Variants in RBMS3 observed in about 807,000 individuals in gnomAD.
RBMS3 encodes RNA-binding motif, single-stranded-interacting protein 3.
RBMS3 carries 27 observed loss-of-function variants against 66.8 expected under a neutral mutation model. The observed-to-expected ratio is 0.40, with a 90% CI of 0.30 to 0.56. RBMS3 has a LOEUF of 0.56. Ranked by LOEUF, RBMS3 falls within the 20% of genes least tolerant of loss-of-function variation. RBMS3 has a pLI of 0.40. For missense variants in RBMS3, 513 were observed against 549.5 expected, an observed-to-expected ratio of 0.93 and a Z score of 0.66; for synonymous variants, 188 against 183.0, an observed-to-expected ratio of 1.03 and a Z score of -0.22.
chr3:29,583,704 A>G (rs1031579719), intron 3 of RBMS3, among the ~76,000 whole-genome samples: 1 of 152,148 alleles, frequency 6.6e-6, no homozygotes, highest in Non-Finnish European at 1.5e-5. Flanking sequence ...ATGTTATTCT[A>G]TAAATTATCC....
chr3:29,939,887 C>G (rs1359645624), intron 11 of RBMS3, among the ~76,000 whole-genome samples: 3 of 151,862 alleles, frequency 2.0e-5, no homozygotes, highest in Non-Finnish European at 4.4e-5. Context: ...AAATCTCCCT[C>G]AGACATCTCA....
chr3:29,912,707 A>G (rs556730409), intron 10 of RBMS3, among the ~76,000 whole-genome samples: 1 of 152,176 alleles, frequency 6.6e-6, no homozygotes, highest in African/African-American at 2.4e-5. Context: ...GGGCAACTAC[A>G]TTAATATTCT....
chr3:29,518,037 A>G (rs1209203284), intron 3 of RBMS3, among the ~76,000 whole-genome samples: 1 of 152,212 alleles, frequency 6.6e-6, no homozygotes, highest in East Asian at 1.9e-4. Context: ...GTGCATAAGT[A>G]AGAGTAACTC....
At chr3:29,824,733 T>C (rs1016657469) in intron 6 of RBMS3, among the ~76,000 whole-genome samples, 14 of 152,154 alleles carry the variant, frequency 9.2e-5, no homozygotes, top group African/African-American at 3.1e-4. Context: ...TGTAAACCTA[T>C]ATAACAAATT....
At chr3:29,512,685 C>T (rs181416363) in intron 3 of RBMS3, among the ~76,000 whole-genome samples, 8 of 152,260 alleles carry the variant, frequency 5.3e-5, no homozygotes, top group South Asian at 2.1e-4. Context: ...AAACAAAAAG[C>T]GGCGGTGGTA....
At chr3:29,861,553 A>G (rs1050017329) in intron 6 of RBMS3, among the ~76,000 whole-genome samples, 2 of 152,370 alleles carry the variant, frequency 1.3e-5, no homozygotes, top group Non-Finnish European at 2.9e-5. Context: ...TTAGATGTCA[A>G]TATCTTCTCA....
intron 6 of RBMS3, among the ~76,000 whole-genome samples, chr3:29,837,642 T>A (rs1281562488): frequency 5.4e-5 from 6 of 110,612 alleles, no homozygotes; most frequent in African/African-American, 2.2e-4. Flanking sequence ...ATATATATAA[T>A]GAACATATAT....
intron 4 of RBMS3, among the ~76,000 whole-genome samples, chr3:29,619,136 A>G (rs2048775367): frequency 6.6e-6 from 1 of 151,994 alleles, no homozygotes; most frequent in Non-Finnish European, 1.5e-5. Flanking sequence ...AGGGAACAAC[A>G]CACGCCAGGG....
At chr3:30,003,817 T>C (rs766135097) in intron 14 of RBMS3, 39 bp from the exon 15 acceptor site, 4 of 1,372,542 alleles carry the variant, frequency 2.9e-6, no homozygotes, top group Non-Finnish European at 3.8e-6. Context: ...TCAAAGTTAC[T>C]TTAATTTAAT....
chr3:29,484,809 G>A (rs550152134), intron 2 of RBMS3, among the ~76,000 whole-genome samples: 3 of 152,208 alleles, frequency 2.0e-5, no homozygotes, highest in African/African-American at 7.2e-5. Flanking sequence ...TCTAGAAGTA[G>A]GCAAACAACC....
intron 1 of RBMS3, among the ~76,000 whole-genome samples, chr3:29,350,109 G>A (rs1257967581): frequency 1.3e-5 from 2 of 149,996 alleles, no homozygotes; most frequent in South Asian, 2.1e-4. Context: ...GCAGTGAACC[G>A]AGGTCTCACC....
intron 4 of RBMS3, among the ~76,000 whole-genome samples, chr3:29,679,483 A>G (rs925625968): frequency 1.1e-3 from 161 of 152,274 alleles, no homozygotes; most frequent in African/African-American, 3.6e-3. Context: ...GTAATTGCCA[A>G]AATTTAATCA....
chr3:29,827,638 T>C (rs1467959897), intron 6 of RBMS3, among the ~76,000 whole-genome samples: 1 of 152,212 alleles, frequency 6.6e-6, no homozygotes, highest in Non-Finnish European at 1.5e-5. Context: ...TTCCATGTTG[T>C]GTTACCTCTA....
intron 1 of RBMS3, among the ~76,000 whole-genome samples, chr3:29,431,949 A>G (rs2041224171): frequency 6.6e-6 from 1 of 151,876 alleles, no homozygotes; most frequent in South Asian, 2.1e-4. Flanking sequence ...ACTGGTCTCG[A>G]GCTCCTGGGC....
Position 29,632,486 on chromosome 3 carries a change from T to C in RBMS3, c.399+45281T>C, listed in dbSNP as rs1282678338. Among the ~76,000 whole-genome samples the C allele has an allele frequency of 5.3e-5, 8 of 151,924 alleles. No homozygotes were observed. The East Asian group carries it at 1.5e-3, about 29-fold the overall frequency. On this transcript the variant is annotated intron_variant, in intron 4 of 14. Coordinates refer to ENST00000383767, the MANE Select transcript of RBMS3 (RefSeq NM_001003793.3). ...ATTCTAGAAAGTTTTAAATTCTATC[T>C]TTCATTTAAAAACTGAGAGCTACTA...
At chr3:29,776,418 G>C (rs868624065) in intron 6 of RBMS3, among the ~76,000 whole-genome samples, 63 of 151,866 alleles carry the variant, frequency 4.1e-4, no homozygotes, top group African/African-American at 1.5e-3. Context: ...TTTAACATTA[G>C]GTATATCTCC....
At chr3:29,383,561 T>C (rs1468507244) in intron 1 of RBMS3, among the ~76,000 whole-genome samples, 1 of 152,224 alleles carries the variant, frequency 6.6e-6, no homozygotes, top group Non-Finnish European at 1.5e-5. Flanking sequence ...ACTCAAACTG[T>C]TGTATGTGGA....
chr3:29,953,618 G>A (rs1209966406), intron 12 of RBMS3, among the ~76,000 whole-genome samples: 2 of 151,894 alleles, frequency 1.3e-5, no homozygotes, highest in African/African-American at 4.8e-5. Flanking sequence ...CACATAGTAT[G>A]TATTCATCAC....
At chr3:29,371,212 T>C (rs2038181896) in intron 1 of RBMS3, among the ~76,000 whole-genome samples, 2 of 152,168 alleles carry the variant, frequency 1.3e-5, no homozygotes, top group Non-Finnish European at 2.9e-5. Context: ...CTAAGAATCA[T>C]TTCAACATAC....
Sources: allele counts gnomAD v4.1 joint callset (sites outside exome capture counted in the v4.1 genomes callset), GRCh38; gene constraint gnomAD v4.1.1; transcripts MANE v1.5; gene names NCBI Gene and HGNC (gene_info 2026-07-23, HGNC 2026-07-21).